Variants in TENM3 observed in about 807,000 individuals in gnomAD.
The protein encoded by TENM3 is teneurin-3.
In TENM3, 63 loss-of-function variants were observed where a neutral mutation model predicts 255.1. The observed-to-expected ratio is 0.25, with a 90% CI of 0.20 to 0.30. TENM3 has a LOEUF of 0.30. Ranked by LOEUF, TENM3 falls within the 10% of genes least tolerant of loss-of-function variation. The pLI is 1.00. For synonymous variants in TENM3, 1,306 were observed against 1,322.3 expected (o/e 0.99, Z 0.27); for missense variants, 2,929 against 3,461.1 (o/e 0.85, Z 3.86).
chr4:181,983,011 C>A, the TENM3 span, among the ~76,000 whole-genome samples: 2 of 151,962 alleles, frequency 1.3e-5, no homozygotes, highest in East Asian at 1.9e-4. Context: ...CTGGAAGAAG[C>A]CATTCCGTAG....
chr4:181,991,526 G>A, the TENM3 span, among the ~76,000 whole-genome samples: 3 of 152,088 alleles, frequency 2.0e-5, no homozygotes, highest in South Asian at 4.1e-4. Context: ...GAACCCAAAC[G>A]CAGGTTGTGA....
chr4:182,007,622 C>A, the TENM3 span, among the ~76,000 whole-genome samples: 1 of 152,078 alleles, frequency 6.6e-6, no homozygotes, highest in Non-Finnish European at 1.5e-5. Flanking sequence ...TGTGTCTTTG[C>A]ATGTAAGAGG....
chr4:182,508,037 A>G (rs575616907), intron 3 of TENM3, among the ~76,000 whole-genome samples: 1 of 152,284 alleles, frequency 6.6e-6, no homozygotes, highest in South Asian at 2.1e-4. Flanking sequence ...ATGGAATCCT[A>G]GTTCTGTCAC....
chr4:181,693,036 CAA>C, the TENM3 span, among the ~76,000 whole-genome samples: 1 of 152,116 alleles, frequency 6.6e-6, no homozygotes, highest in Non-Finnish European at 1.5e-5. Context: ...GAGGAGTAGT[CAA>C]AGAGTCAGGC....
At chr4:181,503,010 C>T in the TENM3 span, among the ~76,000 whole-genome samples, 24 of 152,276 alleles carry the variant, frequency 1.6e-4, no homozygotes, top group East Asian at 4.4e-3. Flanking sequence ...CCTTCTCTGG[C>T]CTTTGTTTCT....
the TENM3 span, among the ~76,000 whole-genome samples, chr4:181,556,673 C>T: frequency 1.8e-4 from 27 of 152,220 alleles, no homozygotes; most frequent in African/African-American, 6.5e-4. Context: ...TTACTACCTG[C>T]ACTTCGATTC....
chr4:182,064,450 C>T, the TENM3 span, among the ~76,000 whole-genome samples: 38 of 151,958 alleles, frequency 2.5e-4, no homozygotes, highest in Non-Finnish European at 4.7e-4. Flanking sequence ...TGGTGGCGGG[C>T]GCCTGTAGTC....
intron 1 of TENM3, among the ~76,000 whole-genome samples, chr4:182,197,909 A>C (rs1395582654): frequency 4.6e-5 from 7 of 152,320 alleles, no homozygotes; most frequent in Admixed American, 3.3e-4. Flanking sequence ...GTTTGAGACC[A>C]GGCTCGCCAA....
In TENM3 at chr4:182,688,363, G is replaced by A. The variant is rs1181785034; in HGVS notation, c.2221+12G>A. On this transcript the variant is annotated intron_variant, in intron 12 of 27. Coordinates refer to ENST00000511685, the MANE Select transcript of TENM3 (RefSeq NM_001080477.4). ...GCACTGCACTATCGGTAGGCTTACTGCAAGTCTGTGTCTGTCCCCTTCCTC... is the reference window on the plus strand; with the variant it reads ...GCACTGCACTATCGGTAGGCTTACTACAAGTCTGTGTCTGTCCCCTTCCTC... The A allele has an allele frequency of 2.6e-6, 4 of 1,568,462 alleles. No individual in the cohort carries two copies. The highest frequency in any genetic ancestry group is 4.7e-5 in the East Asian group (2 of 42,486).
the TENM3 span, among the ~76,000 whole-genome samples, chr4:181,607,124 G>C: frequency 1.3e-5 from 2 of 152,206 alleles, no homozygotes; most frequent in African/African-American, 4.8e-5. Flanking sequence ...AAAGTAGACA[G>C]AGTTGGAATT....
chr4:182,583,291 A>G (rs1745681781), intron 3 of TENM3, among the ~76,000 whole-genome samples: 1 of 151,844 alleles, frequency 6.6e-6, no homozygotes, highest in South Asian at 2.1e-4. Flanking sequence ...ATAAAGCATG[A>G]CAGCATTCAA....
At chr4:181,762,598 A>G in the TENM3 span, among the ~76,000 whole-genome samples, 1 of 152,230 alleles carries the variant, frequency 6.6e-6, no homozygotes, top group African/African-American at 2.4e-5. Context: ...ACTTTGGCTG[A>G]AATCCAGCTT....
chr4:182,037,077 A>G, the TENM3 span, among the ~76,000 whole-genome samples: 4 of 152,190 alleles, frequency 2.6e-5, no homozygotes, highest in East Asian at 3.9e-4. Context: ...ATGGAGTTCT[A>G]TATAGATGTA....
rs188400756 is a variant in TENM3, at chr4:182,175,552, G to A, written c.-76+30798G>A. ...AAACATCTGAAAATAACTAAGAGGC[G>A]ACCCTCCTGCTTTTTCCCCTGCCAA... On this transcript the variant is annotated intron_variant, in intron 1 of 2. Transcript: ENST00000512480. Among the ~76,000 whole-genome samples, 210 of 152,126 alleles carry A rather than the reference G, an allele frequency of 1.4e-3. 1 individual carries two copies. The highest frequency in any genetic ancestry group is 4.7e-3 in the African/African-American group (197 of 41,496).
the TENM3 span, among the ~76,000 whole-genome samples, chr4:181,555,249 G>T: frequency 6.6e-6 from 1 of 152,178 alleles, no homozygotes; most frequent in Non-Finnish European, 1.5e-5. Flanking sequence ...GAGGTTTATA[G>T]AGGTTCGCAG....
chr4:181,603,993 G>T, the TENM3 span, among the ~76,000 whole-genome samples: 1 of 152,156 alleles, frequency 6.6e-6, no homozygotes, highest in Non-Finnish European at 1.5e-5. Context: ...TGCCGGGCGC[G>T]GTGGCTCACG....
At chr4:182,414,716 C>T (rs1487889034) in intron 3 of TENM3, among the ~76,000 whole-genome samples, 2 of 151,936 alleles carry the variant, frequency 1.3e-5, no homozygotes, top group Non-Finnish European at 2.9e-5. Flanking sequence ...GAAATAAATC[C>T]TTATAAAGTA....
At chr4:182,455,546 G>A (rs1312392322) in intron 3 of TENM3, among the ~76,000 whole-genome samples, 1 of 140,696 alleles carries the variant, frequency 7.1e-6, no homozygotes, top group African/African-American at 2.6e-5. Flanking sequence ...TGACTTGCAT[G>A]GTATTTCTTT....
intron 1 of TENM3, among the ~76,000 whole-genome samples, chr4:182,267,964 C>G (rs922744563): frequency 5.3e-5 from 8 of 152,094 alleles, no homozygotes; most frequent in African/African-American, 1.9e-4. Context: ...GTGAACCAAC[C>G]AGTGATCTCT....
Sources: gnomAD v4.1 joint callset for allele counts (sites outside exome capture counted in the v4.1 genomes callset) on GRCh38, gnomAD v4.1.1 for gene constraint, MANE v1.5 for transcripts, NCBI Gene and HGNC (gene_info 2026-07-23, HGNC 2026-07-21) for gene names.